Variants in MCPH1 observed in about 807,000 individuals in gnomAD.
MCPH1 encodes microcephalin 1, also known as microcephalin.
Under a neutral mutation model 84.5 loss-of-function variants are expected in MCPH1, and 104 were observed. That is an observed-to-expected ratio of 1.23 (90% confidence interval 1.05 to 1.45). MCPH1 has a LOEUF of 1.45. Among genes scored for constraint, MCPH1 ranks in the 40% most tolerant of loss-of-function variants. The pLI, the probability that MCPH1 is intolerant of heterozygous loss-of-function variation, is 0.00. For synonymous variants in MCPH1, 514 were observed against 366.8 expected, an observed-to-expected ratio of 1.40 and a Z score of -4.58; for missense variants, 1,498 against 1,005.7, an observed-to-expected ratio of 1.49 and a Z score of -6.62.
chr8:6,590,539 T>G (rs1387125495), intron 12 of MCPH1, among the ~76,000 whole-genome samples: 8 of 152,216 alleles, frequency 5.3e-5, no homozygotes, highest in African/African-American at 1.9e-4. Flanking sequence ...TGGGTTCTGG[T>G]TGACCAGAGG....
chr8:6,563,022 G>C, intron 12 of MCPH1: 1 of 1,402,982 alleles, frequency 7.1e-7, no homozygotes, highest in Non-Finnish European at 9.6e-7. Context: ...TAAAACGCAG[G>C]GCTGCTACGC....
At chr8:6,439,154 A>C (rs926688400) in intron 6 of MCPH1, 58 bp downstream of exon 6, 6 of 1,535,410 alleles carry the variant, frequency 3.9e-6, no homozygotes, top group Non-Finnish European at 5.4e-6. Flanking sequence ...ATTATGGTGG[A>C]AAGCTTCTTT....
intron 9 of MCPH1, among the ~76,000 whole-genome samples, chr8:6,475,383 C>T (rs924611282): frequency 6.6e-6 from 1 of 152,250 alleles, no homozygotes; most frequent in Admixed American, 6.5e-5. Context: ...CTTATCCTGG[C>T]AGACGCCCTT....
intron 2 of MCPH1, among the ~76,000 whole-genome samples, chr8:6,411,762 A>G (rs1298059611): frequency 6.6e-6 from 1 of 152,198 alleles, no homozygotes; most frequent in African/African-American, 2.4e-5. Flanking sequence ...TATGTATAGG[A>G]AAAAACAGTA....
At chr8:6,473,881 C>T (rs1808089127) in intron 9 of MCPH1, 7 of 1,514,404 alleles carry the variant, frequency 4.6e-6, no homozygotes, top group African/African-American at 1.4e-5. Context: ...CAATCCATTT[C>T]AAGATCTGAT....
chr8:6,464,271 TGTGCTC>T (rs1806601881), intron 9 of MCPH1, among the ~76,000 whole-genome samples: 2 of 152,196 alleles, frequency 1.3e-5, no homozygotes, highest in Non-Finnish European at 2.9e-5. Context: ...GTGGCGGGGA[TGTGCTC>T]GTTGTAACAG....
intron 12 of MCPH1, chr8:6,503,041 T>C: frequency 1.3e-6 from 2 of 1,595,814 alleles, no homozygotes; most frequent in Non-Finnish European, 1.7e-6. Flanking sequence ...TGACTTTCAG[T>C]GCACTGGGCT....
intron 12 of MCPH1, among the ~76,000 whole-genome samples, chr8:6,615,395 T>C (rs1830693666): frequency 6.6e-6 from 1 of 152,224 alleles, no homozygotes; most frequent in East Asian, 1.9e-4. Context: ...CTTAGCCTGA[T>C]ACTCACAATG....
chr8:6,406,699 T>C lies in MCPH1; in HGVS notation c.22+10T>C. On this transcript the variant is annotated intron_variant, in intron 1 of 13. Transcript: ENST00000344683. ...GCCCCCATCCTGAAAGGTGAGGTAC[T>C]TCCTGCTGCCTGCTCCAGCAGCGGG... 2.5e-6 allele frequency: 4 copies of C among 1,612,064 alleles called. No individual in the cohort carries two copies. Among genetic ancestry groups the C allele is most frequent in the Non-Finnish European group, 2.5e-6 (3 of 1,179,478 alleles).
intron 11 of MCPH1, among the ~76,000 whole-genome samples, chr8:6,498,465 T>C (rs1811545873): frequency 6.6e-6 from 1 of 152,244 alleles, no homozygotes; most frequent in South Asian, 2.1e-4. Context: ...TCTGTGTAAA[T>C]TAATTAATTT....
At chr8:6,477,354 G>T in intron 9 of MCPH1, 1 of 480,760 alleles carries the variant, frequency 2.1e-6, no homozygotes, top group Non-Finnish European at 3.7e-6. Context: ...AAATTTTTTT[G>T]TTTTGCTCTT....
At chr8:6,529,682 C>G (rs192264035) in intron 12 of MCPH1, among the ~76,000 whole-genome samples, 125 of 136,640 alleles carry the variant, frequency 9.1e-4, no homozygotes, top group Admixed American at 3.5e-3. Flanking sequence ...TCAAGCTGGT[C>G]TCGGACTCCT....
intron 10 of MCPH1, among the ~76,000 whole-genome samples, chr8:6,478,897 G>C (rs912232784): frequency 2.0e-5 from 3 of 152,152 alleles, no homozygotes; most frequent in Non-Finnish European, 4.4e-5. Context: ...TTAAAAGCAT[G>C]ATATAATTCA....
intron 8 of MCPH1, chr8:6,447,206 T>C: frequency 1.0e-6 from 1 of 985,370 alleles, no homozygotes; most frequent in East Asian, 1.1e-4. Flanking sequence ...TTTTAAACTG[T>C]CCACTGTCAG....
chr8:6,454,177 T>C (rs1474797588), intron 8 of MCPH1, among the ~76,000 whole-genome samples: 2 of 152,226 alleles, frequency 1.3e-5, no homozygotes. Flanking sequence ...CGTTGCATTA[T>C]ATTTATTCAT....
At chr8:6,420,709 G>A (rs942881786) in intron 3 of MCPH1, among the ~76,000 whole-genome samples, 1 of 152,112 alleles carries the variant, frequency 6.6e-6, no homozygotes, top group African/African-American at 2.4e-5. Flanking sequence ...TTCAGTTACT[G>A]TAGCAGCCTC....
At chr8:6,455,412 G>A (rs905859794) in intron 9 of MCPH1, among the ~76,000 whole-genome samples, 160 bp downstream of exon 9, 2 of 152,178 alleles carry the variant, frequency 1.3e-5, no homozygotes, top group South Asian at 4.1e-4. Context: ...GAAACTGAAA[G>A]CGTTGTTTGC....
intron 13 of MCPH1, chr8:6,625,557 G>C (rs1831983938): frequency 2.0e-6 from 2 of 982,826 alleles, no homozygotes; most frequent in Non-Finnish European, 2.4e-6. Context: ...ATTATGAAAA[G>C]ACAATACTCA....
intron 12 of MCPH1, among the ~76,000 whole-genome samples, chr8:6,578,196 G>A (rs925925679): frequency 6.6e-6 from 1 of 152,126 alleles, no homozygotes; most frequent in Non-Finnish European, 1.5e-5. Context: ...CCACTGTAGT[G>A]GCTCATGGGA....
Sources: gnomAD v4.1 joint callset for allele counts (sites outside exome capture counted in the v4.1 genomes callset) on GRCh38, gnomAD v4.1.1 for gene constraint, MANE v1.5 for transcripts, NCBI Gene and HGNC (gene_info 2026-07-23, HGNC 2026-07-21) for gene names.